AHCYL1: variants seen among roughly 807,000 people sequenced by gnomAD.
AHCYL1 encodes the protein adenosylhomocysteinase like 1.
Under a neutral mutation model 79.3 loss-of-function variants are expected in AHCYL1, and 20 were observed. That is an observed-to-expected ratio of 0.25 (90% confidence interval 0.18 to 0.37). The LOEUF is 0.37. AHCYL1 is among the 10% of genes least tolerant of loss of function. The pLI is 1.00. For synonymous variants in AHCYL1, 223 were observed against 242.2 expected, an observed-to-expected ratio of 0.92 and a Z score of 0.74; for missense variants, 330 against 673.6, an observed-to-expected ratio of 0.49 and a Z score of 5.65.
chr1:110,006,812 A>G (rs1185489665), intron 1 of AHCYL1, among the ~76,000 whole-genome samples: 1 of 152,244 alleles, frequency 6.6e-6, no homozygotes, highest in Non-Finnish European at 1.5e-5. Flanking sequence ...GGGACACCTT[A>G]TAAGTGGTGA....
chr1:109,985,196 G>A (rs1649400869), intron 1 of AHCYL1, 24 bp downstream of exon 1: 1 of 1,594,794 alleles, frequency 6.3e-7, no homozygotes, highest in Non-Finnish European at 8.5e-7. Context: ...GGGTGGCGGC[G>A]GGGGCTCGGG....
intron 1 of AHCYL1, among the ~76,000 whole-genome samples, chr1:109,989,727 G>A (rs1385178771): frequency 6.6e-6 from 1 of 152,190 alleles, no homozygotes; most frequent in Non-Finnish European, 1.5e-5. Flanking sequence ...TGTTTCTCAA[G>A]TTTGGGAATG....
At chr1:110,014,973 C>A in intron 6 of AHCYL1, 116 bp downstream of exon 6, 2 of 970,286 alleles carry the variant, frequency 2.1e-6, no homozygotes, top group Non-Finnish European at 3.2e-6. Context: ...GACTTTGTTG[C>A]TAAAGTGTTT....
Position 110,016,652 on chromosome 1 carries a change from TGTC to T in AHCYL1, c.900-14_900-12del. ...GCTATTAACGTTTGAGTTGAGCCCT[TGTC>T]TGTTTCCACAGCCTGAAGAGGACCA... On this transcript the variant is annotated splice_polypyrimidine_tract_variant and intron_variant, in intron 8 of 16. Coordinates refer to ENST00000369799, the MANE Select transcript of AHCYL1 (RefSeq NM_006621.7). 3.1e-6 allele frequency: 5 copies of T among 1,614,090 alleles called. No homozygotes were observed. Among genetic ancestry groups the T allele is most frequent in the Non-Finnish European group, 4.2e-6 (5 of 1,179,994 alleles).
intron 1 of AHCYL1, chr1:110,001,035 T>G: frequency 3.5e-6 from 3 of 866,164 alleles, no homozygotes; most frequent in Non-Finnish European, 2.8e-6. Context: ...TAAGTAAAAA[T>G]CTTCATGTAG....
At chr1:110,006,137 G>C (rs1039510379) in intron 1 of AHCYL1, among the ~76,000 whole-genome samples, 4 of 152,186 alleles carry the variant, frequency 2.6e-5, no homozygotes, top group African/African-American at 9.7e-5. Flanking sequence ...TGACCTTCTA[G>C]CCTTTCATAA....
intron 7 of AHCYL1, among the ~76,000 whole-genome samples, chr1:110,016,086 A>G (rs1003725753): frequency 2.0e-5 from 3 of 152,174 alleles, no homozygotes; most frequent in African/African-American, 7.2e-5. Flanking sequence ...AACACTCCCT[A>G]TAAAGGGAAG....
rs993641759 is a variant in AHCYL1, at chr1:110,018,622, A to G, written c.1289A>G (p.Asp430Gly). The G allele has an allele frequency of 6.2e-7, 1 of 1,613,646 alleles. No homozygotes were observed. The highest frequency in any genetic ancestry group is 8.5e-7 in the Non-Finnish European group (1 of 1,179,914). Reference protein sequence around the residue: ...RSQVDHVIWPDGKRVVLLAEG... With the variant: ...RSQVDHVIWPGGKRVVLLAEG... ...CAGGTGGACCATGTCATCTGGCCAG[A>G]TGGCAAACGAGTTGTCCTCCTGGCA... Residue 430 changes from aspartate (D) to glycine (G), a missense_variant, in exon 13 of 17, where the codon GAT (aspartate) becomes GGT (glycine). Coordinates refer to ENST00000369799, the MANE Select transcript of AHCYL1 (RefSeq NM_006621.7).
intron 1 of AHCYL1, among the ~76,000 whole-genome samples, chr1:109,995,158 G>T (rs1037120511): frequency 2.0e-5 from 3 of 152,176 alleles, no homozygotes; most frequent in African/African-American, 7.2e-5. Context: ...AAATCATAAA[G>T]TTTAGAAGGA....
chr1:109,997,395 TCAGA>T (rs1186572155), intron 1 of AHCYL1, among the ~76,000 whole-genome samples: 1 of 152,118 alleles, frequency 6.6e-6, no homozygotes, highest in Non-Finnish European at 1.5e-5. Flanking sequence ...AGGGCAGAAC[TCAGA>T]CAGTCAACTA....
chr1:110,015,971 G>A (rs1426166039), intron 7 of AHCYL1, among the ~76,000 whole-genome samples: 2 of 152,088 alleles, frequency 1.3e-5, no homozygotes, highest in South Asian at 2.1e-4. Context: ...GGCACATTGC[G>A]CATGCTTACT....
At chr1:110,003,734 T>C (rs929836639) in intron 1 of AHCYL1, among the ~76,000 whole-genome samples, 2 of 152,146 alleles carry the variant, frequency 1.3e-5, no homozygotes, top group African/African-American at 4.8e-5. Context: ...AGGTAGGTAG[T>C]AGATAGCTAA....
chr1:110,011,172 C>T, intron 2 of AHCYL1, 42 bp from the exon 3 acceptor site: 1 of 1,609,910 alleles, frequency 6.2e-7, no homozygotes, highest in South Asian at 1.1e-5. Flanking sequence ...TTGGGGACCA[C>T]TGAGGTTTTT....
chr1:110,017,618 C>G (rs1279157257), intron 10 of AHCYL1, 35 bp downstream of exon 10: 8 of 1,589,458 alleles, frequency 5.0e-6, no homozygotes, highest in South Asian at 1.1e-5. Context: ...TAGATTCACT[C>G]TAGGTGCTTT....
chr1:109,984,776 G>A lies in AHCYL1; in HGVS notation c.-277G>A, dbSNP rs1047813905. 6 of 299,002 alleles carry A rather than the reference G, an allele frequency of 2.0e-5. No individual in the cohort carries two copies. The allele number at this position is 299,002 out of a possible 1,614,324, so 18.5% of individuals were successfully genotyped here. On this transcript the variant is annotated 5_prime_UTR_variant, in exon 1 of 17. It adds an upstream start codon to the 5' untranslated region. Transcript: ENST00000369799. The stretch of plus-strand genomic sequence containing the variant: ...CGCCCTCTACCCTCGCTTTGCGTGC[G>A]TGTTTGCGTACAGCGGAGGTGGCGG...
chr1:110,014,800 T>C lies in AHCYL1; in HGVS notation c.618T>C (p.Asp206=), dbSNP rs560019130. ...TCGCTTGGAAGGGCGAGTCAGAAGATGACTTCTGGTGGTGTATTGACCGCT... is the reference window on the plus strand; with the variant it reads ...TCGCTTGGAAGGGCGAGTCAGAAGACGACTTCTGGTGGTGTATTGACCGCT... ...AVFAWKGESE[D]DFWWCIDRCV... The change falls in exon 6 of 17, where the codon GAT becomes GAC. Residue 206 remains aspartate, a synonymous_variant. Transcript: ENST00000369799. 42 of 1,614,248 alleles carry C rather than the reference T, an allele frequency of 2.6e-5. No homozygotes were observed. The highest frequency in any genetic ancestry group is 3.3e-5 in the Non-Finnish European group (39 of 1,180,024).
chr1:110,011,126 TAAATG>T, intron 2 of AHCYL1, 83 bp from the exon 3 acceptor site: 3 of 1,511,494 alleles, frequency 2.0e-6, no homozygotes, highest in Non-Finnish European at 2.7e-6. Context: ...TCCCTTAACT[TAAATG>T]AAAGTCCCTT....
rs532115347 is a variant in AHCYL1, at chr1:110,019,195, A to G, written c.1386+76A>G. On this transcript the variant is annotated intron_variant, in intron 14 of 16. Transcript: ENST00000369799. ...CGTAGATCAGTTCCAGTGAGGGTGT[A>G]CTGTACTATGTTCTCATCATCCTAT... 1,468 of 1,362,696 alleles carry G rather than the reference A, an allele frequency of 1.1e-3. 4 individuals are homozygous for G. Among genetic ancestry groups the G allele is most frequent in the Non-Finnish European group, 1.3e-3 (1,251 of 954,576 alleles). 84.4% of individuals were successfully genotyped at this position (1,362,696 alleles called of 1,614,324 possible). A position where few individuals can be genotyped will look rare whatever the true frequency, so the allele number is the denominator to read the frequency against.
chr1:110,014,903 C>T, intron 6 of AHCYL1, 46 bp downstream of exon 6: 1 of 1,541,090 alleles, frequency 6.5e-7, no homozygotes, highest in Non-Finnish European at 9.0e-7. Context: ...GATTTATTTC[C>T]TTTTTTTCCC....
Sources: allele counts gnomAD v4.1 joint callset (sites outside exome capture counted in the v4.1 genomes callset), GRCh38; gene constraint gnomAD v4.1.1; transcripts MANE v1.5; gene names NCBI Gene and HGNC (gene_info 2026-07-23, HGNC 2026-07-21).